THOC2: variants seen among roughly 807,000 people sequenced by gnomAD.
THOC2 encodes THO complex 2.
THOC2 carries 10 observed loss-of-function variants against 128.4 expected under a neutral mutation model. That is an observed-to-expected ratio of 0.08 (90% confidence interval 0.05 to 0.13). The LOEUF (loss-of-function observed/expected upper bound fraction) is 0.13. Among genes scored for constraint, THOC2 ranks in the 10% least tolerant of loss-of-function variants. THOC2 has a pLI of 1.00. For missense variants in THOC2, 535 were observed against 1,155.7 expected, an observed-to-expected ratio of 0.46 and a Z score of 7.79; for synonymous variants, 393 against 396.9, an observed-to-expected ratio of 0.99 and a Z score of 0.12.
At chrX:123,695,848 T>C (rs2050427861) in intron 7 of THOC2, among the ~76,000 whole-genome samples, 173 bp downstream of exon 7, 1 of 111,075 alleles carries the variant, frequency 9.0e-6, no homozygotes, top group Non-Finnish European at 1.9e-5. Context: ...AATATCATGC[T>C]AAATTTTATA....
chrX:123,662,587 C>CAAA (rs777761030), intron 12 of THOC2, among the ~76,000 whole-genome samples: 60 of 47,140 alleles, frequency 1.3e-3, no homozygotes, highest in Middle Eastern at 0.013. Flanking sequence ...GACTCCGTCT[C>CAAA]AAAAAAAAAA....
chrX:123,668,385 T>A, intron 9 of THOC2, 71 bp from the exon 10 acceptor site: 1 of 654,414 alleles, frequency 1.5e-6, no homozygotes, highest in Non-Finnish European at 2.2e-6. Flanking sequence ...AAGGAAACAC[T>A]ATTCTCAATT....
intron 12 of THOC2, among the ~76,000 whole-genome samples, chrX:123,654,923 G>C (rs894158310): frequency 9.1e-6 from 1 of 109,820 alleles, no homozygotes; most frequent in African/African-American, 3.3e-5. Flanking sequence ...AAATATATAG[G>C]TTTATAGGTT....
At chrX:123,725,177 T>G (rs1266771390) in intron 1 of THOC2, among the ~76,000 whole-genome samples, 1 of 111,509 alleles carries the variant, frequency 9.0e-6, no homozygotes, top group East Asian at 2.8e-4. Flanking sequence ...ATTCTGAGAG[T>G]ACCTTACAAA....
Position 123,696,168 on chromosome X carries a change from A to G in THOC2, c.468-14T>C. ...TGCTGCTTATAACTGAAATCAGATA[A>G]ATATCATTAAGGGGATAAAATTAAT... On this transcript the variant is annotated splice_polypyrimidine_tract_variant and intron_variant, in intron 6 of 38. Coordinates refer to ENST00000245838, the MANE Select transcript of THOC2 (RefSeq NM_001081550.2). 9.1e-7 allele frequency: 1 copy of G among 1,104,697 alleles called. No homozygotes were observed. The highest frequency in any genetic ancestry group is 3.0e-5 in the East Asian group (1 of 33,016). The allele number at this position is 1,104,697 out of a possible 1,213,427, so 91.0% of individuals were successfully genotyped here.
At chrX:123,617,183 C>T (rs2046927683) in intron 33 of THOC2, among the ~76,000 whole-genome samples, 1 of 110,802 alleles carries the variant, frequency 9.0e-6, no homozygotes, top group Non-Finnish European at 1.9e-5. Context: ...CAGTACTTTG[C>T]ATGCTTTACC....
At chrX:123,682,882 A>C (rs1390348386) in intron 8 of THOC2, among the ~76,000 whole-genome samples, 1 of 111,191 alleles carries the variant, frequency 9.0e-6, no homozygotes, top group African/African-American at 3.3e-5. Context: ...TGAATCCAGA[A>C]ATCAAAGGGC....
Position 123,686,584 on chromosome X carries a change from C to T in THOC2, c.732G>A (p.Leu244=), listed in dbSNP as rs1387988294. The change falls in exon 8 of 39, where the codon CTG becomes CTA. Residue 244 remains leucine (L), a synonymous_variant. Transcript: ENST00000245838. ...TGAATTTGAACCCAAGAATATGACA[C>T]AGTGTTTGCGGTTCACACATACTCA... The part of the protein sequence containing the change: ...SYMSMCEPQT[L]CHILGFKFKF... 1.7e-6 allele frequency: 2 copies of T among 1,204,709 alleles called. No individual in the cohort carries two copies. Among genetic ancestry groups the T allele is most frequent in the Non-Finnish European group, 2.2e-6 (2 of 891,870 alleles).
chrX:123,686,415 T>C (rs2050003607), intron 8 of THOC2, 133 bp downstream of exon 8: 1 of 446,662 alleles, frequency 2.2e-6, no homozygotes, highest in Non-Finnish European at 3.7e-6. Context: ...CATTGTTAGC[T>C]ATCCATTTAT....
intron 12 of THOC2, among the ~76,000 whole-genome samples, chrX:123,651,948 A>T (rs1169696684): frequency 2.7e-5 from 3 of 111,787 alleles, no homozygotes; most frequent in Non-Finnish European, 5.6e-5. Flanking sequence ...AGCTCATTTT[A>T]CGAGGCCAGC....
intron 8 of THOC2, among the ~76,000 whole-genome samples, chrX:123,679,028 T>G (rs2049638655): frequency 9.0e-6 from 1 of 111,081 alleles, no homozygotes; most frequent in Admixed American, 9.6e-5. Context: ...CCGCTCCAAA[T>G]AATTCTCACC....
chrX:123,625,768 G>T, intron 25 of THOC2, 144 bp downstream of exon 25: 1 of 595,638 alleles, frequency 1.7e-6, no homozygotes, highest in Non-Finnish European at 2.7e-6. Flanking sequence ...CATACAGCTA[G>T]AAAGTAGTAG....
rs372924579 is a variant in THOC2 at position 123,621,454 on chromosome X, G to A, written c.3919C>T (p.Arg1307Trp). Residue 1307 changes from arginine to tryptophan, a missense_variant, in exon 31 of 39, where the codon CGG (arginine) becomes TGG (tryptophan). Coordinates refer to ENST00000245838, the MANE Select transcript of THOC2 (RefSeq NM_001081550.2). ...KDGKEKPKEE[R>W]PNKDEKARET... ...CTTGCTTTTTCATCTTTATTTGGCC[G>A]CTCTTCCTTTGGTTTTTCTTTACCA... 3.3e-6 allele frequency: 4 copies of A among 1,207,869 alleles called. No homozygotes were observed. The highest frequency in any genetic ancestry group is 1.8e-5 in the African/African-American group (1 of 56,699).
At chrX:123,642,195 G>A (rs767281264) in intron 15 of THOC2, among the ~76,000 whole-genome samples, 14 of 111,770 alleles carry the variant, frequency 1.3e-4, no homozygotes, top group Non-Finnish European at 2.3e-4. Flanking sequence ...GGAGGCCAAG[G>A]CGGGTGAATC....
intron 2 of THOC2, among the ~76,000 whole-genome samples, chrX:123,710,976 C>T (rs1188684997): frequency 4.1e-5 from 4 of 98,373 alleles, no homozygotes; most frequent in East Asian, 3.4e-4. Context: ...GGTGACAGAG[C>T]GAGATTCCAT....
At chrX:123,680,048 G>A (rs1020156136) in intron 8 of THOC2, among the ~76,000 whole-genome samples, 1 of 111,913 alleles carries the variant, frequency 8.9e-6, no homozygotes, top group Non-Finnish European at 1.9e-5. Flanking sequence ...CGTGGGAAGG[G>A]AAAGACCTGA....
rs984179956 is a variant in THOC2, at chrX:123,650,415, C to T, written c.1387-5040G>A. ...CTGCATCGACTAACAAGCAAGATAA[C>T]CAGCTAGCATCATAATGACAGGATC... On this transcript the variant is annotated intron_variant, in intron 12 of 38. Coordinates refer to ENST00000245838, the MANE Select transcript of THOC2 (RefSeq NM_001081550.2). Among the ~76,000 whole-genome samples, 4 of 111,823 alleles carry T rather than the reference C, an allele frequency of 3.6e-5. No individual in the cohort carries two copies. The Admixed American group carries it at 3.8e-4, about 11-fold the overall frequency.
At chrX:123,666,969 C>T (rs778506593) in intron 11 of THOC2, 137 bp downstream of exon 11, 7 of 439,377 alleles carry the variant, frequency 1.6e-5, no homozygotes, top group Non-Finnish European at 2.7e-5. Context: ...GACTGATACA[C>T]TCTGTGAATA....
intron 1 of THOC2, among the ~76,000 whole-genome samples, chrX:123,719,224 G>A (rs1307842662): frequency 9.3e-6 from 1 of 107,595 alleles, no homozygotes; most frequent in Non-Finnish European, 1.9e-5. Context: ...ATTTTAAAAT[G>A]GGCAAAGGAC....
Sources: gnomAD v4.1 joint callset for allele counts (sites outside exome capture counted in the v4.1 genomes callset) on GRCh38, gnomAD v4.1.1 for gene constraint, MANE v1.5 for transcripts, NCBI Gene and HGNC (gene_info 2026-07-23, HGNC 2026-07-21) for gene names.